The following COL27A1 variants were observed in gnomAD, a reference collection of about 807,000 sequenced individuals.
COL27A1 encodes the protein collagen type XXVII alpha 1 chain.
Under a neutral mutation model 251.3 loss-of-function variants are expected in COL27A1, and 106 were observed. The ratio of observed to expected loss-of-function variants is 0.42; its 90% confidence interval spans 0.36 to 0.50. The LOEUF (loss-of-function observed/expected upper bound fraction) is 0.50. Ranked by LOEUF, COL27A1 falls within the 20% of genes least tolerant of loss-of-function variation. COL27A1 has a pLI of 0.00. For synonymous variants in COL27A1, 1,000 were observed against 986.3 expected, an observed-to-expected ratio of 1.01 and a Z score of -0.26; for missense variants, 2,325 against 2,522.8, an observed-to-expected ratio of 0.92 and a Z score of 1.68.
intron 57 of COL27A1, 68 bp downstream of exon 57, chr9:114,304,741 A>G (rs376673158): frequency 1.1e-5 from 15 of 1,396,470 alleles, no homozygotes; most frequent in African/African-American, 1.4e-5. Context: ...AATGGCCCAC[A>G]TGTGGTCAGT....
chr9:114,218,192 C>A, intron 12 of COL27A1: 1 of 199,096 alleles, frequency 5.0e-6, no homozygotes, highest in Non-Finnish European at 1.0e-5. Flanking sequence ...TTCAGCATGA[C>A]CAAGAAGAGC....
intron 37 of COL27A1, among the ~76,000 whole-genome samples, chr9:114,276,630 A>G (rs1835527105): frequency 6.6e-6 from 1 of 152,148 alleles, no homozygotes; most frequent in South Asian, 2.1e-4. Context: ...CAACAACAAC[A>G]ACAAAACCAG....
chr9:114,292,033 C>T, intron 48 of COL27A1, 70 bp from the exon 49 acceptor site: 4 of 1,336,684 alleles, frequency 3.0e-6, no homozygotes, highest in East Asian at 2.5e-5. Flanking sequence ...TCTCCCAGGC[C>T]CCCTCCGCCT....
At chr9:114,210,025 A>G (rs1305604466) in intron 11 of COL27A1, among the ~76,000 whole-genome samples, 2 of 152,182 alleles carry the variant, frequency 1.3e-5, no homozygotes, top group African/African-American at 4.8e-5. Flanking sequence ...CCCTGGGGCA[A>G]TGTCTTAGGT....
chr9:114,168,755 C>T lies in COL27A1; in HGVS notation c.1200C>T (p.Ala400=), dbSNP rs1256649557. The stretch of plus-strand genomic sequence containing the variant: ...CTCCATCTTCATTTACAAAGTCAGC[C>T]CTACCCACTCAGAAGCAAGTGCCAC... ...KTAPSSFTKS[A]LPTQKQVPPT... The change falls in exon 3 of 61, where the codon GCC becomes GCT. Residue 400 remains alanine (A), a synonymous_variant. Coordinates refer to ENST00000356083, the MANE Select transcript of COL27A1 (RefSeq NM_032888.4). 2 of 1,613,890 alleles carry T rather than the reference C, an allele frequency of 1.2e-6. No homozygotes were observed. Among genetic ancestry groups the T allele is most frequent in the Non-Finnish European group, 1.7e-6 (2 of 1,180,040 alleles).
intron 14 of COL27A1, among the ~76,000 whole-genome samples, chr9:114,230,463 C>A (rs1434443320): frequency 2.0e-5 from 3 of 152,210 alleles, no homozygotes; most frequent in Non-Finnish European, 4.4e-5. Context: ...AGGTCGGGAA[C>A]TCCATTTTTC....
At chr9:114,221,960 C>A (rs1215981614) in intron 13 of COL27A1, among the ~76,000 whole-genome samples, 2 of 152,382 alleles carry the variant, frequency 1.3e-5, no homozygotes, top group East Asian at 3.9e-4. Context: ...CCGCTCCTTC[C>A]TTTATGCTTC....
intron 56 of COL27A1, 120 bp downstream of exon 56, chr9:114,302,228 C>G (rs1014696327): frequency 1.2e-6 from 1 of 806,762 alleles, no homozygotes; most frequent in Non-Finnish European, 2.1e-6. Flanking sequence ...TAGGGACGCC[C>G]ATGTCCTTTT....
intron 14 of COL27A1, among the ~76,000 whole-genome samples, chr9:114,222,875 A>C (rs1831216672): frequency 6.6e-6 from 1 of 152,166 alleles, no homozygotes; most frequent in Non-Finnish European, 1.5e-5. Context: ...TGGAGTGGCC[A>C]TGAGGATTAA....
chr9:114,260,334 C>T lies in COL27A1; in HGVS notation c.3195+1740C>T, dbSNP rs147558983. On this transcript the variant is annotated intron_variant, in intron 28 of 60. Coordinates refer to ENST00000356083, the MANE Select transcript of COL27A1 (RefSeq NM_032888.4). Reference sequence around the variant, plus strand: ...CACTGGGTTTGTCAGGAATGCACAACCTATGAGATCGGCCCCCTGGGTCTC... The same window carrying T: ...CACTGGGTTTGTCAGGAATGCACAATCTATGAGATCGGCCCCCTGGGTCTC... Among the ~76,000 whole-genome samples the T allele has an allele frequency of 9.2e-5, 14 of 152,322 alleles. No homozygotes were observed. The East Asian group carries it at 1.4e-3, about 15-fold the overall frequency.
chr9:114,263,275 A>G (rs1313837468), intron 28 of COL27A1, among the ~76,000 whole-genome samples: 2 of 151,904 alleles, frequency 1.3e-5, no homozygotes, highest in African/African-American at 4.8e-5. Flanking sequence ...TTGATTTTTA[A>G]ATGATTTTTC....
At chr9:114,171,949 G>A (rs1849354212) in intron 3 of COL27A1, among the ~76,000 whole-genome samples, 1 of 152,192 alleles carries the variant, frequency 6.6e-6, no homozygotes, top group South Asian at 2.1e-4. Flanking sequence ...CTCCCAGCGT[G>A]TTCCTGAAGG....
intron 5 of COL27A1, among the ~76,000 whole-genome samples, chr9:114,194,091 C>A (rs539958783): frequency 6.6e-6 from 1 of 152,242 alleles, no homozygotes; most frequent in South Asian, 2.1e-4. Context: ...AGCAGAGGGA[C>A]CCTCTCTGTG....
At chr9:114,236,290 T>C (rs1035581291) in intron 17 of COL27A1, among the ~76,000 whole-genome samples, 5 of 152,110 alleles carry the variant, frequency 3.3e-5, no homozygotes, top group Non-Finnish European at 5.9e-5. Context: ...TTGTACTGTG[T>C]CCCCTGCCAG....
At chr9:114,166,399 C>CATCCATCCATCCATT (rs1848875896) in intron 2 of COL27A1, among the ~76,000 whole-genome samples, 1 of 149,412 alleles carries the variant, frequency 6.7e-6, no homozygotes, top group Non-Finnish European at 1.5e-5. Flanking sequence ...ATCCATCCAC[C>CATCCATCCATCCATT]CACCCACCTA....
intron 7 of COL27A1, among the ~76,000 whole-genome samples, chr9:114,204,055 C>T (rs1039968907): frequency 6.6e-6 from 1 of 151,956 alleles, no homozygotes; most frequent in Non-Finnish European, 1.5e-5. Context: ...CAGGTTTGAG[C>T]GTGCATGTGC....
chr9:114,309,220 G>A (rs1462859966), intron 59 of COL27A1, 40 bp from the exon 60 acceptor site: 1 of 1,578,618 alleles, frequency 6.3e-7, no homozygotes, highest in African/African-American at 1.3e-5. Flanking sequence ...GGGGGTGTGG[G>A]GGGCAGCCTG....
In COL27A1 at chr9:114,237,361, C is replaced by A. The variant is rs138736075; in HGVS notation, c.2674-301C>A. 2.8e-3 allele frequency among the ~76,000 whole-genome samples: 419 copies of A among 152,346 alleles called. 9 individuals carry two copies. Among genetic ancestry groups the A allele is most frequent in the Admixed American group, 0.022 (343 of 15,302 alleles). Reference sequence around the variant, plus strand: ...TTATTGAGTGTCACTGTGCATCCGACCCTTTCTGAACTGTTTCTTTGAAGG... The same window carrying A: ...TTATTGAGTGTCACTGTGCATCCGAACCTTTCTGAACTGTTTCTTTGAAGG... On this transcript the variant is annotated intron_variant, in intron 18 of 60. Transcript: ENST00000356083.
At chr9:114,248,157 C>G (rs1025939835) in intron 24 of COL27A1, among the ~76,000 whole-genome samples, 7 of 152,174 alleles carry the variant, frequency 4.6e-5, no homozygotes, top group African/African-American at 7.2e-5. Context: ...ATGCCTGCCT[C>G]GAGGGCTGAA....
Sources: allele counts gnomAD v4.1 joint callset (sites outside exome capture counted in the v4.1 genomes callset), GRCh38; gene constraint gnomAD v4.1.1; transcripts MANE v1.5; gene names NCBI Gene and HGNC (gene_info 2026-07-23, HGNC 2026-07-21).